Variants in PARD3B observed in about 807,000 individuals in gnomAD.
The protein encoded by PARD3B is partitioning defective 3 homolog B.
PARD3B carries 103 observed loss-of-function variants against 130.2 expected under a neutral mutation model. The ratio of observed to expected loss-of-function variants is 0.79; its 90% CI spans 0.67 to 0.93. The LOEUF (loss-of-function observed/expected upper bound fraction) is 0.93. Ranked by LOEUF, PARD3B falls within the 40% of genes least tolerant of loss-of-function variation. PARD3B has a pLI of 0.00. For missense variants in PARD3B, 1,609 were observed against 1,499.2 expected (o/e 1.07, Z -1.21); for synonymous variants, 583 against 553.2 (o/e 1.05, Z -0.76).
At chr2:205,161,681 G>T (rs183572428) in intron 11 of PARD3B, among the ~76,000 whole-genome samples, 245 of 152,302 alleles carry the variant, frequency 1.6e-3, no homozygotes, top group Middle Eastern at 3.4e-3. Flanking sequence ...ACAGACTACA[G>T]TGTCTCTGGG....
intron 14 of PARD3B, 144 bp from the exon 15 acceptor site, chr2:205,193,061 C>T: frequency 1.7e-6 from 1 of 600,212 alleles, no homozygotes; most frequent in South Asian, 2.3e-5. Context: ...ATAAAAGAAA[C>T]CTGAGATTTA....
intron 2 of PARD3B, among the ~76,000 whole-genome samples, chr2:204,882,244 AC>A (rs2046083244): frequency 6.6e-6 from 1 of 152,218 alleles, no homozygotes; most frequent in African/African-American, 2.4e-5. Context: ...TCCCAGAAGT[AC>A]AAATCCATTG....
At chr2:204,577,037 G>C (rs528260573) in intron 1 of PARD3B, among the ~76,000 whole-genome samples, 1 of 152,030 alleles carries the variant, frequency 6.6e-6, no homozygotes, top group East Asian at 1.9e-4. Flanking sequence ...TTTTTCTTGG[G>C]GGGGGATGGG....
At chr2:204,645,280 G>A (rs1004757077) in intron 1 of PARD3B, among the ~76,000 whole-genome samples, 4 of 152,096 alleles carry the variant, frequency 2.6e-5, no homozygotes, top group African/African-American at 9.7e-5. Flanking sequence ...AAATCCTTAA[G>A]CATGACAATT....
At chr2:205,051,765 A>C (rs534411846) in intron 4 of PARD3B, among the ~76,000 whole-genome samples, 5 of 152,338 alleles carry the variant, frequency 3.3e-5, no homozygotes, top group Admixed American at 6.5e-5. Context: ...TAGAAAAATC[A>C]GATTCTCTGA....
chr2:205,152,980 T>C (rs2033864305), intron 10 of PARD3B, among the ~76,000 whole-genome samples: 1 of 152,158 alleles, frequency 6.6e-6, no homozygotes, highest in East Asian at 1.9e-4. Context: ...TCCTATTCCG[T>C]TCTGTTTGTT....
chr2:204,866,280 G>A (rs2045411000), intron 2 of PARD3B, among the ~76,000 whole-genome samples: 2 of 151,998 alleles, frequency 1.3e-5, no homozygotes, highest in South Asian at 4.2e-4. Context: ...AATAACTCTG[G>A]GACTTTTTGT....
chr2:204,725,176 A>T (rs2039168146), intron 2 of PARD3B, among the ~76,000 whole-genome samples: 1 of 152,230 alleles, frequency 6.6e-6, no homozygotes, highest in South Asian at 2.1e-4. Context: ...TGAATAATCC[A>T]TTTCAAAATA....
At chr2:205,249,601 C>T (rs893128080) in intron 16 of PARD3B, among the ~76,000 whole-genome samples, 2 of 152,152 alleles carry the variant, frequency 1.3e-5, no homozygotes, top group African/African-American at 4.8e-5. Context: ...TCCCCTCACC[C>T]CTTCTGGAAT....
At chr2:204,559,291 C>T (rs554762661) in intron 1 of PARD3B, among the ~76,000 whole-genome samples, 6 of 152,196 alleles carry the variant, frequency 3.9e-5, no homozygotes, top group African/African-American at 9.6e-5. Flanking sequence ...GAAATCTACC[C>T]ATCTGACAAA....
At chr2:205,124,487 T>A (rs1360414103) in intron 9 of PARD3B, 21 bp downstream of exon 9, 1 of 1,534,930 alleles carries the variant, frequency 6.5e-7, no homozygotes, top group Non-Finnish European at 8.8e-7. Flanking sequence ...GAATTAATAG[T>A]TGTATGAAAA....
chr2:204,637,022 T>C (rs1407853922), intron 1 of PARD3B, among the ~76,000 whole-genome samples: 2 of 152,212 alleles, frequency 1.3e-5, no homozygotes, highest in Admixed American at 1.3e-4. Flanking sequence ...AACCATATTC[T>C]AAAACTTTGG....
In PARD3B at chr2:205,589,420, G is replaced by A. The variant is rs12611613; in HGVS notation, c.3261-26036G>A. Among the ~76,000 whole-genome samples the A allele has an allele frequency of 0.65, 98,131 of 152,036 alleles. 31,813 individuals carry two copies. Among genetic ancestry groups the A allele is most frequent in the East Asian group, 0.81 (4,145 of 5,146 alleles). On this transcript the variant is annotated intron_variant, in intron 22 of 22. Transcript: ENST00000406610. This position sits in a 1 kb window ranked among gnomAD's most constrained non-coding sequence, Gnocchi z 4.1. ...AGGCTCTCCAAACCTCTGTTCCCAC[G>A]GCAACTCCAGATCCAGTCCCATCTC...
At chr2:204,621,019 G>A (rs1227754579) in intron 1 of PARD3B, among the ~76,000 whole-genome samples, 1 of 152,192 alleles carries the variant, frequency 6.6e-6, no homozygotes, top group Non-Finnish European at 1.5e-5. Flanking sequence ...TAGTGTCCTG[G>A]ACATCAAAAT....
intron 3 of PARD3B, among the ~76,000 whole-genome samples, chr2:204,970,754 A>C (rs987808839): frequency 6.6e-6 from 1 of 152,254 alleles, no homozygotes; most frequent in Middle Eastern, 3.2e-3. Context: ...AAAGTACTTT[A>C]AACTTGGCTG....
At chr2:205,275,171 G>A (rs1882381) in intron 16 of PARD3B, among the ~76,000 whole-genome samples, 15,521 of 151,524 alleles carry the variant, frequency 0.1, 1,004 homozygotes, top group South Asian at 0.21. Context: ...GGCTTCTTTC[G>A]GTGCCCTGTT....
intron 1 of PARD3B, among the ~76,000 whole-genome samples, chr2:204,576,348 C>A (rs911585393): frequency 2.0e-5 from 3 of 152,154 alleles, no homozygotes; most frequent in Non-Finnish European, 4.4e-5. Context: ...GAATGTGTCT[C>A]TGTAATCACC....
intron 18 of PARD3B, among the ~76,000 whole-genome samples, chr2:205,398,223 C>T (rs930794572): frequency 2.6e-5 from 4 of 152,122 alleles, no homozygotes; most frequent in Non-Finnish European, 5.9e-5. Context: ...ATCGCTTGAA[C>T]CCGAGAGGTG....
At chr2:204,972,741 C>A (rs1308817967) in intron 3 of PARD3B, among the ~76,000 whole-genome samples, 1 of 152,244 alleles carries the variant, frequency 6.6e-6, no homozygotes, top group East Asian at 1.9e-4. Flanking sequence ...CACCATCTCC[C>A]CTTTGGCCTC....
Sources: gnomAD v4.1 joint callset for allele counts (sites outside exome capture counted in the v4.1 genomes callset) on GRCh38, gnomAD v4.1.1 for gene constraint, Gnocchi (gnomAD v3.1) non-coding constraint, MANE v1.5 for transcripts, NCBI Gene and HGNC (gene_info 2026-07-23, HGNC 2026-07-21) for gene names.